MAF: variants seen among roughly 807,000 people sequenced by gnomAD.
MAF encodes the protein transcription factor Maf.
MAF carries 10 observed loss-of-function variants against 22.0 expected under a neutral mutation model. The observed-to-expected ratio is 0.45, with a 90% CI of 0.28 to 0.77. The LOEUF is 0.77. MAF is among the 30% of genes least tolerant of loss of function. The probability of loss-of-function intolerance (pLI) is 0.12; values close to 1 mark genes in which losing one functional copy is unlikely to be tolerated. For synonymous variants in MAF, 337 were observed against 255.8 expected, an observed-to-expected ratio of 1.32 and a Z score of -3.03; for missense variants, 544 against 548.4, an observed-to-expected ratio of 0.99 and a Z score of 0.08.
the MAF span, among the ~76,000 whole-genome samples, chr16:79,553,240 C>A: frequency 6.6e-6 from 1 of 152,234 alleles, no homozygotes; most frequent in Non-Finnish European, 1.5e-5. Flanking sequence ...CCTCAAGGCA[C>A]AGCAACTCCA....
the MAF span, among the ~76,000 whole-genome samples, chr16:79,519,958 C>T: frequency 6.6e-6 from 1 of 152,232 alleles, no homozygotes; most frequent in Non-Finnish European, 1.5e-5. Context: ...CCTTCTCCCT[C>T]TGGAAGGGAA....
the MAF span, among the ~76,000 whole-genome samples, chr16:79,525,080 C>A: frequency 6.6e-6 from 1 of 152,142 alleles, no homozygotes; most frequent in African/African-American, 2.4e-5. Context: ...GTGGCCACAG[C>A]ACGATTCTGA....
At chr16:79,533,073 A>C in the MAF span, among the ~76,000 whole-genome samples, 1 of 152,266 alleles carries the variant, frequency 6.6e-6, no homozygotes, top group African/African-American at 2.4e-5. Context: ...TTAGTGTCTT[A>C]GTTTCTCTCT....
the MAF span, among the ~76,000 whole-genome samples, chr16:79,292,380 G>C: frequency 6.6e-6 from 1 of 152,214 alleles, no homozygotes; most frequent in African/African-American, 2.4e-5. Flanking sequence ...AAGCTAGTTA[G>C]AGGCAAGGAA....
At chr16:79,303,624 T>C in the MAF span, among the ~76,000 whole-genome samples, 20 of 152,210 alleles carry the variant, frequency 1.3e-4, no homozygotes, top group Non-Finnish European at 2.9e-5. Flanking sequence ...AAAATGCATC[T>C]TCCACTGGCA....
chr16:79,588,812 A>G (rs1010227188), intron 1 of MAF, among the ~76,000 whole-genome samples: 1 of 152,092 alleles, frequency 6.6e-6, no homozygotes, highest in Non-Finnish European at 1.5e-5. Context: ...AAAGGGTCCC[A>G]GGAAAAAATA....
chr16:79,553,550 C>A, the MAF span, among the ~76,000 whole-genome samples: 1 of 152,224 alleles, frequency 6.6e-6, no homozygotes, highest in Non-Finnish European at 1.5e-5. Flanking sequence ...CACAGTCTGT[C>A]ATCTCACCCG....
At chr16:79,474,697 A>T in the MAF span, among the ~76,000 whole-genome samples, 2 of 151,936 alleles carry the variant, frequency 1.3e-5, no homozygotes, top group African/African-American at 4.8e-5. Flanking sequence ...CTTCTTGTTG[A>T]ATATTTATTT....
At chr16:79,412,300 G>A in the MAF span, among the ~76,000 whole-genome samples, 11 of 152,296 alleles carry the variant, frequency 7.2e-5, no homozygotes, top group South Asian at 2.1e-4. Flanking sequence ...TATGATTACC[G>A]TGGTACCAGG....
chr16:79,380,007 T>A, the MAF span, among the ~76,000 whole-genome samples: 2 of 152,154 alleles, frequency 1.3e-5, no homozygotes, highest in Non-Finnish European at 2.9e-5. Context: ...CAGTTCTGCT[T>A]CAAGGTCCAG....
the MAF span, among the ~76,000 whole-genome samples, chr16:79,502,463 C>T: frequency 6.6e-6 from 1 of 151,800 alleles, no homozygotes; most frequent in African/African-American, 2.4e-5. Flanking sequence ...GTCACAAATT[C>T]GAGACCACTC....
the MAF span, among the ~76,000 whole-genome samples, chr16:79,553,808 G>T: frequency 1.3e-5 from 2 of 152,162 alleles, no homozygotes; most frequent in African/African-American, 4.8e-5. Context: ...AACCACCAGG[G>T]CTGTGTGTGG....
chr16:79,523,013 T>C, the MAF span, among the ~76,000 whole-genome samples: 1 of 152,234 alleles, frequency 6.6e-6, no homozygotes, highest in Non-Finnish European at 1.5e-5. Context: ...AAAGACAATT[T>C]TGAGGATTTA....
the MAF span, among the ~76,000 whole-genome samples, chr16:79,371,290 C>A: frequency 6.6e-6 from 1 of 152,224 alleles, no homozygotes; most frequent in African/African-American, 2.4e-5. Context: ...AAGTGACCCT[C>A]CCTTGAGGTC....
the MAF span, among the ~76,000 whole-genome samples, chr16:79,447,133 T>G: frequency 6.6e-6 from 1 of 152,262 alleles, no homozygotes; most frequent in East Asian, 1.9e-4. Context: ...GGGAGACTGT[T>G]AGGGGTTAAT....
chr16:79,511,824 G>C, the MAF span, among the ~76,000 whole-genome samples: 1 of 152,124 alleles, frequency 6.6e-6, no homozygotes, highest in East Asian at 1.9e-4. Context: ...ACCAACATTG[G>C]AATTCATCTC....
chr16:79,444,459 C>A, the MAF span, among the ~76,000 whole-genome samples: 2 of 152,108 alleles, frequency 1.3e-5, no homozygotes, highest in South Asian at 2.1e-4. Flanking sequence ...TAGCCTTGGG[C>A]AAGTTCTTTT....
the MAF span, among the ~76,000 whole-genome samples, chr16:79,424,460 G>A: frequency 6.6e-6 from 1 of 152,142 alleles, no homozygotes; most frequent in Admixed American, 6.5e-5. Flanking sequence ...TTGCCTGTGT[G>A]ATCCCCCTCC....
chr16:79,447,813 G>T, the MAF span, among the ~76,000 whole-genome samples: 1 of 147,706 alleles, frequency 6.8e-6, no homozygotes, highest in Non-Finnish European at 1.5e-5. Flanking sequence ...AGAATCGCTT[G>T]AGCCCAGGAG....
Sources: allele counts gnomAD v4.1 joint callset (sites outside exome capture counted in the v4.1 genomes callset), GRCh38; gene constraint gnomAD v4.1.1; transcripts MANE v1.5; gene names NCBI Gene and HGNC (gene_info 2026-07-23, HGNC 2026-07-21).